The following PODXL2 variants were observed in gnomAD, a reference collection of about 807,000 sequenced individuals.
The protein encoded by PODXL2 is podocalyxin like 2.
A neutral mutation model predicts 53.4 loss-of-function variants in PODXL2; 17 were observed. That is an observed-to-expected ratio of 0.32 (90% CI 0.22 to 0.48). The LOEUF (loss-of-function observed/expected upper bound fraction) is 0.48, where lower values mean the gene tolerates loss of function less well. PODXL2 is among the 20% of genes least tolerant of loss of function. The pLI is 0.99. For missense variants in PODXL2, 673 were observed against 760.0 expected (o/e 0.89, Z 1.35); for synonymous variants, 311 against 306.7 (o/e 1.01, Z -0.15).
Position 127,672,334 on chromosome 3 carries a change from A to C in PODXL2, c.1672A>C (p.Ser558Arg). The C allele has an allele frequency of 6.5e-7, 1 of 1,550,022 alleles. No homozygotes were observed. The highest frequency in any genetic ancestry group is 8.7e-7 in the Non-Finnish European group (1 of 1,148,014). The change falls in exon 8 of 8, where the codon AGC becomes CGC. Residue 558 changes from serine to arginine, a missense_variant. Physicochemically the swap from Ser to Arg is moderately radical, Grantham distance 110 (BLOSUM62 -1). This residue lies in a region of PODXL2 where 79 missense variants were observed against 70.5 expected (regional missense o/e 1.12). Coordinates refer to ENST00000342480, the MANE Select transcript of PODXL2 (RefSeq NM_015720.4). ...CHDNPTLDVA[S>R]DSQSEMQEKH... Reference sequence around the variant, plus strand: ...CGACAACCCCACGCTGGACGTGGCCAGCGACAGCCAGTCGGAGATGCAGGA... The same window carrying C: ...CGACAACCCCACGCTGGACGTGGCCCGCGACAGCCAGTCGGAGATGCAGGA...
In PODXL2 at chr3:127,672,513, A is replaced by T. The variant is rs914242068; in HGVS notation, c.*33A>T. 1.7e-5 allele frequency: 23 copies of T among 1,373,534 alleles called. No homozygotes were observed. In the African/African-American group the frequency reaches 3.4e-4, roughly 21 times the overall value. 85.1% of individuals were successfully genotyped at this position (1,373,534 alleles called of 1,614,324 possible). On this transcript the variant is annotated 3_prime_UTR_variant, in exon 8 of 8. Coordinates refer to ENST00000342480, the MANE Select transcript of PODXL2 (RefSeq NM_015720.4). ...CGAGGCGCAGGCCGAGTGGGCCGCC[A>T]GGACCAAGCGAGGTGGACCCCGAAA...
intron 2 of PODXL2, among the ~76,000 whole-genome samples, chr3:127,650,486 G>C (rs1029820175): frequency 1.3e-5 from 2 of 152,208 alleles, no homozygotes; most frequent in African/African-American, 2.4e-5. Context: ...CTTACCAGCT[G>C]TGATAAATGA....
At chr3:127,634,928 A>G (rs1199259180) in intron 1 of PODXL2, among the ~76,000 whole-genome samples, 1 of 152,056 alleles carries the variant, frequency 6.6e-6, no homozygotes, top group Admixed American at 6.6e-5. Context: ...GGGGTTCGTA[A>G]AAGAGCTCTC....
chr3:127,670,280 G>A (rs755895910), intron 6 of PODXL2, among the ~76,000 whole-genome samples: 3 of 152,190 alleles, frequency 2.0e-5, no homozygotes, highest in South Asian at 2.1e-4. Context: ...AGCAGTAAGC[G>A]GTAGAGCCAG....
intron 6 of PODXL2, among the ~76,000 whole-genome samples, chr3:127,670,912 G>A (rs1417170695): frequency 6.6e-6 from 1 of 152,264 alleles, no homozygotes; most frequent in Non-Finnish European, 1.5e-5. Context: ...GAGGAAGCTG[G>A]GCAGCCGGGG....
chr3:127,665,880 A>C, intron 4 of PODXL2: 1 of 447,492 alleles, frequency 2.2e-6, no homozygotes, highest in South Asian at 1.6e-5. Flanking sequence ...CCCCCAATTT[A>C]GCCATTTCTG....
At chr3:127,656,944 G>A (rs2074728756) in intron 2 of PODXL2, among the ~76,000 whole-genome samples, 1 of 151,796 alleles carries the variant, frequency 6.6e-6, no homozygotes, top group Admixed American at 6.6e-5. Flanking sequence ...GGGAGGCCGA[G>A]GTGGGAGGAT....
intron 4 of PODXL2, among the ~76,000 whole-genome samples, chr3:127,665,326 A>G (rs2074790410): frequency 6.6e-6 from 1 of 152,260 alleles, no homozygotes; most frequent in African/African-American, 2.4e-5. Flanking sequence ...CAGAGACTAC[A>G]TATTCAGAAA....
intron 1 of PODXL2, among the ~76,000 whole-genome samples, chr3:127,634,657 C>T (rs192216389): frequency 5.9e-5 from 9 of 152,070 alleles, no homozygotes; most frequent in South Asian, 2.1e-4. Flanking sequence ...ACCTGAGAGG[C>T]GGAGGTTGCA....
chr3:127,639,491 A>G lies in PODXL2; in HGVS notation c.317A>G (p.Asn106Ser). The change falls in exon 2 of 8, where the codon AAT (asparagine) becomes AGT (serine). Residue 106 changes from asparagine to serine, a missense_variant. Physicochemically the swap from Asn to Ser is conservative, Grantham distance 46 (BLOSUM62 1). This residue lies in a region of PODXL2 where 588 missense variants were observed against 668.3 expected (regional missense o/e 0.88). Transcript: ENST00000342480. ...QYFWEEEEEL[N>S]DSSLDLGPTA... is the part of the protein sequence containing the mutation. ...TTCTGGGAAGAGGAGGAAGAGCTGA[A>G]TGACTCAAGTCTGGACCTGGGACCC... is the stretch of plus-strand genomic sequence containing the variant. 1 of 1,614,160 alleles carries G rather than the reference A, an allele frequency of 6.2e-7. No homozygotes were observed. The highest frequency in any genetic ancestry group is 8.5e-7 in the Non-Finnish European group (1 of 1,179,980).
At chr3:127,635,714 GTC>G (rs1490200065) in intron 1 of PODXL2, among the ~76,000 whole-genome samples, 1 of 152,240 alleles carries the variant, frequency 6.6e-6, no homozygotes, top group African/African-American at 2.4e-5. Flanking sequence ...GGGCTTAACA[GTC>G]TCTGTTTTAA....
chr3:127,642,520 A>G (rs1383385382), intron 2 of PODXL2, among the ~76,000 whole-genome samples: 1 of 151,988 alleles, frequency 6.6e-6, no homozygotes, highest in East Asian at 1.9e-4. Context: ...CAGGGAAGGG[A>G]TGAAGATGGG....
intron 2 of PODXL2, among the ~76,000 whole-genome samples, chr3:127,647,015 C>A (rs1323809047): frequency 6.6e-6 from 1 of 152,138 alleles, no homozygotes; most frequent in Non-Finnish European, 1.5e-5. Context: ...CCTTCTCCAT[C>A]TGTAATGATG....
rs1019551273 is a variant in PODXL2, at chr3:127,660,764, C to T, written c.736C>T (p.Pro246Ser). 4 of 1,613,974 alleles carry T rather than the reference C, an allele frequency of 2.5e-6. No individual in the cohort carries two copies. In the African/African-American group the frequency reaches 5.3e-5, roughly 22 times the overall value. Residue 246 changes from proline to serine, a missense_variant, in exon 3 of 8, where the codon CCT (proline) becomes TCT (serine). By Grantham distance (74) the Pro-to-Ser change is moderately conservative. Around this residue, in one of 3 missense-constraint regions of PODXL2, gnomAD observed 588 missense variants for 668.3 expected, o/e 0.88. Coordinates refer to ENST00000342480, the MANE Select transcript of PODXL2 (RefSeq NM_015720.4). ...ESSMGPSLLL[P>S]SVTPTTVTPG... is the part of the protein sequence containing the mutation. ...CAGCATGGGGCCCAGCTTGCTGCTG[C>T]CTTCAGTCACCCCAACTACAGTGAC...
intron 1 of PODXL2, among the ~76,000 whole-genome samples, chr3:127,630,551 G>A (rs2074538153): frequency 6.6e-6 from 1 of 152,180 alleles, no homozygotes; most frequent in African/African-American, 2.4e-5. Flanking sequence ...GGTCTCTATG[G>A]GAAGGGAGGA....
intron 4 of PODXL2, among the ~76,000 whole-genome samples, chr3:127,663,346 T>C (rs1433141083): frequency 6.6e-6 from 1 of 152,238 alleles, no homozygotes; most frequent in Non-Finnish European, 1.5e-5. Flanking sequence ...TCTTTAGAGT[T>C]TGCTAAATTA....
intron 1 of PODXL2, among the ~76,000 whole-genome samples, chr3:127,637,980 C>G (rs150678731): frequency 6.6e-6 from 1 of 152,282 alleles, no homozygotes; most frequent in East Asian, 1.9e-4. Context: ...GTACTGTAGT[C>G]AAGTCAGGTC....
intron 2 of PODXL2, among the ~76,000 whole-genome samples, chr3:127,644,212 A>G (rs2074638910): frequency 6.6e-6 from 1 of 152,032 alleles, no homozygotes; most frequent in Non-Finnish European, 1.5e-5. Context: ...CCGAGGTTCA[A>G]GTGATCCTCC....
intron 1 of PODXL2, among the ~76,000 whole-genome samples, chr3:127,632,049 G>A (rs771908617): frequency 6.6e-6 from 1 of 152,206 alleles, no homozygotes; most frequent in African/African-American, 2.4e-5. Context: ...GAGAGGTGGG[G>A]GCTCACTGGA....
Sources: gnomAD v4.1 joint callset for allele counts (sites outside exome capture counted in the v4.1 genomes callset) on GRCh38, gnomAD v4.1.1 for gene constraint, gnomAD v4.1.1 regional missense constraint, MANE v1.5 for transcripts, NCBI Gene and HGNC (gene_info 2026-07-23, HGNC 2026-07-21) for gene names.